Variants in MEMO1 observed in about 807,000 individuals in gnomAD.
MEMO1 encodes the protein mediator of cell motility 1, also known as protein MEMO1.
A neutral mutation model predicts 45.2 loss-of-function variants in MEMO1; 6 were observed. The observed-to-expected ratio is 0.13, with a 90% CI of 0.07 to 0.26. MEMO1 has a LOEUF of 0.26. Ranked by LOEUF, MEMO1 falls within the 10% of genes least tolerant of loss-of-function variation. The pLI is 1.00. For synonymous variants in MEMO1, 78 were observed against 124.3 expected (o/e 0.63, Z 2.48); for missense variants, 184 against 370.5 (o/e 0.50, Z 4.13).
intron 8 of MEMO1, among the ~76,000 whole-genome samples, chr2:31,879,076 G>C (rs1361672577): frequency 6.6e-6 from 1 of 152,058 alleles, no homozygotes; most frequent in African/African-American, 2.4e-5. Flanking sequence ...CCTGGATCTC[G>C]TCATCTACCA....
At chr2:31,887,677 A>T (rs1264298764) in intron 7 of MEMO1, among the ~76,000 whole-genome samples, 1 of 152,178 alleles carries the variant, frequency 6.6e-6, no homozygotes, top group Non-Finnish European at 1.5e-5. Flanking sequence ...TGAAGTGCTA[A>T]TGTATAAGTA....
intron 2 of MEMO1, among the ~76,000 whole-genome samples, chr2:32,005,994 G>A (rs1434571152): frequency 3.9e-5 from 6 of 152,210 alleles, no homozygotes; most frequent in African/African-American, 1.4e-4. Context: ...TATTTCAACA[G>A]AGGGACCAGT....
chr2:31,992,945 T>A (rs774052165), intron 2 of MEMO1, among the ~76,000 whole-genome samples: 3 of 151,106 alleles, frequency 2.0e-5, no homozygotes, highest in African/African-American at 4.9e-5. Flanking sequence ...GGAAAAAAAA[T>A]CATCAGAAAA....
chr2:31,966,476 A>T (rs1668623620), intron 2 of MEMO1, among the ~76,000 whole-genome samples: 1 of 152,222 alleles, frequency 6.6e-6, no homozygotes, highest in Admixed American at 6.5e-5. Context: ...CACGCCTATA[A>T]TCCTAGCCCT....
At chr2:31,924,484 G>A (rs1431410837) in intron 4 of MEMO1, among the ~76,000 whole-genome samples, 6 of 151,682 alleles carry the variant, frequency 4.0e-5, no homozygotes, top group African/African-American at 7.3e-5. Context: ...AAAATGGGGG[G>A]AAGGAGCAAG....
intron 6 of MEMO1, among the ~76,000 whole-genome samples, chr2:31,913,561 T>C (rs1170977648): frequency 6.6e-6 from 1 of 150,916 alleles, no homozygotes; most frequent in Non-Finnish European, 1.5e-5. Context: ...AAACATGTAA[T>C]TTTTTTTTAA....
At chr2:31,877,613 A>G (rs1195064161) in intron 8 of MEMO1, among the ~76,000 whole-genome samples, 1 of 152,220 alleles carries the variant, frequency 6.6e-6, no homozygotes, top group Non-Finnish European at 1.5e-5. Context: ...CAAGTTTACT[A>G]AGAATTGTTC....
At chr2:31,914,569 A>G (rs1681125585) in intron 6 of MEMO1, among the ~76,000 whole-genome samples, 1 of 152,170 alleles carries the variant, frequency 6.6e-6, no homozygotes, top group Admixed American at 6.5e-5. Context: ...ATTATTTTAC[A>G]CTGCATGACC....
At chr2:31,911,486 A>G (rs1425640932) in intron 6 of MEMO1, among the ~76,000 whole-genome samples, 2 of 152,344 alleles carry the variant, frequency 1.3e-5, no homozygotes, top group Admixed American at 1.3e-4. Context: ...CCGTAAGACT[A>G]TCCAACACAA....
At chr2:31,906,837 G>A (rs1199455310) in intron 6 of MEMO1, among the ~76,000 whole-genome samples, 1 of 152,168 alleles carries the variant, frequency 6.6e-6, no homozygotes, top group African/African-American at 2.4e-5. Flanking sequence ...TCCAGCCCCA[G>A]GGTGGTGTTA....
chr2:31,921,202 A>G (rs1682270381), intron 4 of MEMO1, among the ~76,000 whole-genome samples: 1 of 152,210 alleles, frequency 6.6e-6, no homozygotes, highest in Non-Finnish European at 1.5e-5. Flanking sequence ...TAGGAAAAAG[A>G]GACACCAGAA....
intron 6 of MEMO1, among the ~76,000 whole-genome samples, chr2:31,907,308 T>C (rs958191458): frequency 6.6e-6 from 1 of 152,222 alleles, no homozygotes; most frequent in Non-Finnish European, 1.5e-5. Context: ...TCATTTCTTA[T>C]CTCTTCTACA....
At chr2:31,959,132 A>C (rs563404005) in intron 2 of MEMO1, among the ~76,000 whole-genome samples, 1 of 152,350 alleles carries the variant, frequency 6.6e-6, no homozygotes, top group South Asian at 2.1e-4. Flanking sequence ...GGACACACCA[A>C]AAGTTATAGG....
chr2:31,964,518 G>A (rs1264117660), intron 2 of MEMO1, among the ~76,000 whole-genome samples: 4 of 151,880 alleles, frequency 2.6e-5, no homozygotes, highest in Admixed American at 1.3e-4. Context: ...CCAACATGGA[G>A]AAACCCCGTC....
intron 4 of MEMO1, among the ~76,000 whole-genome samples, chr2:31,927,625 A>G (rs1471929581): frequency 6.9e-6 from 1 of 144,294 alleles, no homozygotes; most frequent in African/African-American, 2.6e-5. Flanking sequence ...ACTGTAAGAC[A>G]TTTTTATATT....
chr2:31,872,258 T>G (rs1445935863), intron 8 of MEMO1, among the ~76,000 whole-genome samples: 2 of 152,104 alleles, frequency 1.3e-5, no homozygotes, highest in Non-Finnish European at 2.9e-5. Context: ...TGTAGGCTCT[T>G]TCTCACTCTC....
At chr2:32,010,147 C>G in intron 2 of MEMO1, 40 bp downstream of exon 2, 2 of 1,160,568 alleles carry the variant, frequency 1.7e-6, no homozygotes, top group Non-Finnish European at 2.2e-6. Flanking sequence ...TGGGGCCAGG[C>G]GGCGACGGCG....
At chr2:31,952,889 A>C (rs1666991936) in intron 2 of MEMO1, among the ~76,000 whole-genome samples, 1 of 152,138 alleles carries the variant, frequency 6.6e-6, no homozygotes. Flanking sequence ...ATAACATTCT[A>C]ATATAAGCAT....
chr2:31,932,660 C>G (rs1323422448), intron 3 of MEMO1, among the ~76,000 whole-genome samples: 1 of 152,086 alleles, frequency 6.6e-6, no homozygotes, highest in East Asian at 1.9e-4. Flanking sequence ...GTCTTGAACT[C>G]CTGGGGTCAA....
Sources: gnomAD v4.1 joint callset for allele counts (sites outside exome capture counted in the v4.1 genomes callset) on GRCh38, gnomAD v4.1.1 for gene constraint, MANE v1.5 for transcripts, NCBI Gene and HGNC (gene_info 2026-07-23, HGNC 2026-07-21) for gene names.